CPA6: variants seen among roughly 807,000 people sequenced by gnomAD.
CPA6 encodes carboxypeptidase A6.
Under a neutral mutation model 63.3 loss-of-function variants are expected in CPA6, and 58 were observed. The observed-to-expected ratio is 0.92, with a 90% CI of 0.74 to 1.14. The LOEUF (loss-of-function observed/expected upper bound fraction) is 1.14, where lower values mean the gene tolerates loss of function less well. CPA6 is among the 50% of genes most tolerant of loss of function. The pLI, the probability that CPA6 is intolerant of heterozygous loss-of-function variation, is 0.00. For missense variants in CPA6, 565 were observed against 526.6 expected, an observed-to-expected ratio of 1.07 and a Z score of -0.71; for synonymous variants, 185 against 179.0, an observed-to-expected ratio of 1.03 and a Z score of -0.27.
Position 67,711,407 on chromosome 8 carries a change from CACACA to C in CPA6, c.116+34602_116+34606del, listed in dbSNP as rs1016738819. Reference sequence around the variant, plus strand: ...AAAATATCAGATTTATCAGGGTTTCCACACAGCATTTGAAACAAGCTTGTTTTTAA... The same window carrying C: ...AAAATATCAGATTTATCAGGGTTTCCGCATTTGAAACAAGCTTGTTTTTAA... On this transcript the variant is annotated intron_variant, in intron 1 of 10. Transcript: ENST00000297770. Among the ~76,000 whole-genome samples, 35 of 152,236 alleles carry C rather than the reference CACACA, an allele frequency of 2.3e-4. 1 individual carries two copies. The highest frequency in any genetic ancestry group is 8.4e-4 in the African/African-American group (35 of 41,536).
At chr8:67,683,857 C>A (rs1446979025) in intron 1 of CPA6, among the ~76,000 whole-genome samples, 1 of 151,522 alleles carries the variant, frequency 6.6e-6, no homozygotes, top group Non-Finnish European at 1.5e-5. Flanking sequence ...GAAGGTCTTG[C>A]TCTGTTGCCC....
At position 67,427,520 on chromosome 8, in the gene CPA6, G is replaced by C. The variant is rs143196561; in HGVS notation, c.1126+527C>G. On this transcript the variant is annotated intron_variant, in intron 10 of 10. Transcript: ENST00000297770. ...CGTGGAGTGAAAGATGGGAGATGAG[G>C]GGGGGTTGGAAGTGATCTCTGGCTC... Among the ~76,000 whole-genome samples, 1,184 of 152,266 alleles carry C rather than the reference G, an allele frequency of 7.8e-3. 14 individuals are homozygous for C. The highest frequency in any genetic ancestry group is 0.027 in the African/African-American group (1,126 of 41,552).
chr8:67,428,672 A>G (rs1809950912), intron 9 of CPA6, among the ~76,000 whole-genome samples: 1 of 152,174 alleles, frequency 6.6e-6, no homozygotes, highest in Non-Finnish European at 1.5e-5. Flanking sequence ...CTTAGTATAC[A>G]TGGGGTTTCA....
chr8:67,595,263 G>T (rs1265005368), intron 2 of CPA6, among the ~76,000 whole-genome samples: 1 of 152,114 alleles, frequency 6.6e-6, no homozygotes, highest in East Asian at 1.9e-4. Flanking sequence ...AGGAGTACCT[G>T]GCCGTGTGAG....
intron 2 of CPA6, among the ~76,000 whole-genome samples, chr8:67,585,161 G>T (rs766700176): frequency 1.3e-5 from 2 of 151,944 alleles, no homozygotes; most frequent in African/African-American, 4.8e-5. Context: ...AAGTAGTCTC[G>T]TTTGAAGCTT....
chr8:67,536,729 C>A (rs555884490), intron 2 of CPA6, among the ~76,000 whole-genome samples: 2 of 152,164 alleles, frequency 1.3e-5, no homozygotes, highest in Non-Finnish European at 2.9e-5. Flanking sequence ...ACTTCCAATA[C>A]TATGTTGAAT....
intron 1 of CPA6, among the ~76,000 whole-genome samples, chr8:67,693,851 C>G (rs189332680): frequency 6.6e-6 from 1 of 152,162 alleles, no homozygotes; most frequent in African/African-American, 2.4e-5. Flanking sequence ...TCTAGACTTA[C>G]GGGTAAGACA....
At chr8:67,438,616 T>C (rs1810216652) in intron 8 of CPA6, among the ~76,000 whole-genome samples, 1 of 152,208 alleles carries the variant, frequency 6.6e-6, no homozygotes, top group African/African-American at 2.4e-5. Context: ...CCAGAGAGCC[T>C]ACTCTACATA....
At chr8:67,462,225 GA>G (rs59674877) in intron 8 of CPA6, among the ~76,000 whole-genome samples, 10 of 151,374 alleles carry the variant, frequency 6.6e-5, no homozygotes, top group African/African-American at 2.4e-4. Flanking sequence ...ATCCATCTGT[GA>G]AAAAAAATCT....
At chr8:67,556,813 C>T (rs12679715) in intron 2 of CPA6, among the ~76,000 whole-genome samples, 63,144 of 152,128 alleles carry the variant, frequency 0.42, 15,443 homozygotes, top group Non-Finnish European at 0.54. Context: ...AGAGCGGCAG[C>T]GCCGAGAGTT....
At chr8:67,551,597 T>G (rs1333526541) in intron 2 of CPA6, among the ~76,000 whole-genome samples, 1 of 152,236 alleles carries the variant, frequency 6.6e-6, no homozygotes, top group Non-Finnish European at 1.5e-5. Flanking sequence ...ATGGAACCTG[T>G]ACACTGCTTT....
At position 67,438,083 on chromosome 8, in the gene CPA6, A is replaced by T. The variant is rs1810203126; in HGVS notation, c.839-3843T>A. On this transcript the variant is annotated intron_variant, in intron 8 of 10. Coordinates refer to ENST00000297770, the MANE Select transcript of CPA6 (RefSeq NM_020361.5). ...AGGCACCCTGCCACCACACCTGGCT[A>T]GTTTTTGTATTTTTAGTAGAGACGG... is the stretch of plus-strand genomic sequence containing the variant. Among the ~76,000 whole-genome samples the T allele has an allele frequency of 2.6e-5, 4 of 152,190 alleles. No homozygotes were observed. The South Asian group carries it at 8.3e-4, about 32-fold the overall frequency.
At position 67,483,862 on chromosome 8, in the gene CPA6, G is replaced by A. The variant is rs778158582; in HGVS notation, c.748-4C>T. The A allele has an allele frequency of 6.2e-7, 1 of 1,611,922 alleles. No homozygotes were observed. The highest frequency in any genetic ancestry group is 2.2e-5 in the East Asian group (1 of 44,848). On this transcript the variant is annotated splice_polypyrimidine_tract_variant and splice_region_variant and intron_variant, in intron 7 of 10. Coordinates refer to ENST00000297770, the MANE Select transcript of CPA6 (RefSeq NM_020361.5). ...TTGTTTTTCTCCAAAATCGATCCTA[G>A]ACATAATTAAGAAAACAGGTGCTGA... is the stretch of plus-strand genomic sequence containing the variant.
At chr8:67,448,208 G>A in intron 8 of CPA6, among the ~76,000 whole-genome samples, 1 of 152,164 alleles carries the variant, frequency 6.6e-6, no homozygotes. Flanking sequence ...CCTTACCCAA[G>A]TAGAAAGTGC....
At chr8:67,493,423 T>C (rs1811646696) in intron 6 of CPA6, among the ~76,000 whole-genome samples, 1 of 152,164 alleles carries the variant, frequency 6.6e-6, no homozygotes, top group Non-Finnish European at 1.5e-5. Context: ...GTTGGAGGAC[T>C]TCTCCTACAA....
At chr8:67,559,009 T>A (rs959369669) in intron 2 of CPA6, among the ~76,000 whole-genome samples, 2 of 152,208 alleles carry the variant, frequency 1.3e-5, no homozygotes, top group African/African-American at 2.4e-5. Flanking sequence ...CCCTGTCTAA[T>A]GTTGACTCAT....
At chr8:67,462,937 A>C (rs1286272232) in intron 8 of CPA6, among the ~76,000 whole-genome samples, 2 of 152,160 alleles carry the variant, frequency 1.3e-5, no homozygotes, top group Non-Finnish European at 2.9e-5. Context: ...CTTTTGATAA[A>C]TTCTTGGAGA....
At chr8:67,547,292 CG>C (rs1287391546) in intron 2 of CPA6, among the ~76,000 whole-genome samples, 2 of 152,144 alleles carry the variant, frequency 1.3e-5, no homozygotes, top group African/African-American at 2.4e-5. Context: ...GTGATCCGCC[CG>C]CCTCGGCCTC....
intron 2 of CPA6, among the ~76,000 whole-genome samples, chr8:67,596,320 A>G (rs1814333581): frequency 6.6e-6 from 1 of 152,078 alleles, no homozygotes; most frequent in African/African-American, 2.4e-5. Context: ...TTATTGTTGT[A>G]CCTGTTCTTA....
Sources: allele counts gnomAD v4.1 joint callset (sites outside exome capture counted in the v4.1 genomes callset), GRCh38; gene constraint gnomAD v4.1.1; transcripts MANE v1.5; gene names NCBI Gene and HGNC (gene_info 2026-07-23, HGNC 2026-07-21).